SAMD3: variants seen among roughly 807,000 people sequenced by gnomAD.
SAMD3 encodes the protein sterile alpha motif domain-containing protein 3.
In SAMD3, 63 loss-of-function variants were observed where a neutral mutation model predicts 58.5. That is an observed-to-expected ratio of 1.08 (90% CI 0.88 to 1.33). The LOEUF (loss-of-function observed/expected upper bound fraction) is 1.33, where lower values mean the gene tolerates loss of function less well. SAMD3 is among the 40% of genes most tolerant of loss of function. SAMD3 has a pLI of 0.00. For synonymous variants in SAMD3, 220 were observed against 210.3 expected (o/e 1.05, Z -0.40); for missense variants, 604 against 608.4 (o/e 0.99, Z 0.08).
At chr6:130,297,112 C>G (rs1775597281) in intron 2 of SAMD3, among the ~76,000 whole-genome samples, 1 of 152,224 alleles carries the variant, frequency 6.6e-6, no homozygotes, top group South Asian at 2.1e-4. Context: ...AAGCCTGCTG[C>G]CAGACAGGCT....
intron 8 of SAMD3, among the ~76,000 whole-genome samples, chr6:130,171,583 TG>T (rs2114652987): frequency 6.6e-6 from 1 of 152,322 alleles, no homozygotes; most frequent in African/African-American, 2.4e-5. Context: ...GAGACTGTTA[TG>T]ATTTCCATTC....
intron 2 of SAMD3, among the ~76,000 whole-genome samples, chr6:130,241,182 G>T (rs1429973913): frequency 2.7e-5 from 4 of 148,218 alleles, no homozygotes; most frequent in Non-Finnish European, 5.9e-5. Flanking sequence ...GCCCCCTGAA[G>T]AACCTGTTTT....
intron 7 of SAMD3, among the ~76,000 whole-genome samples, chr6:130,178,309 GGCTGCTTCTGCTGCTCTTCTCC>G (rs1050539169): frequency 1.3e-5 from 2 of 151,308 alleles, no homozygotes; most frequent in African/African-American, 4.9e-5. Flanking sequence ...AGTGCCTTAG[GGCTGCTTCTGCTGCTCTTCTCC>G]GCTGCAATGC....
At chr6:130,302,035 A>C (rs1177555421) in intron 2 of SAMD3, among the ~76,000 whole-genome samples, 1 of 152,196 alleles carries the variant, frequency 6.6e-6, no homozygotes, top group Admixed American at 6.5e-5. Context: ...CAAAGAATTT[A>C]TGACTAAGAC....
intron 1 of SAMD3, among the ~76,000 whole-genome samples, chr6:130,319,544 AG>A (rs1421182007): frequency 6.6e-6 from 1 of 152,132 alleles, no homozygotes; most frequent in East Asian, 1.9e-4. Flanking sequence ...TTTTTTATCC[AG>A]GGAAAACATC....
At chr6:130,253,075 CT>C (rs2114911983) in intron 2 of SAMD3, among the ~76,000 whole-genome samples, 1 of 152,302 alleles carries the variant, frequency 6.6e-6, no homozygotes, top group Admixed American at 6.5e-5. Context: ...TTTACACAAC[CT>C]AGTGAAGTTC....
intron 2 of SAMD3, among the ~76,000 whole-genome samples, chr6:130,282,242 A>G (rs867606590): frequency 1.3e-5 from 2 of 152,230 alleles, no homozygotes; most frequent in African/African-American, 4.8e-5. Flanking sequence ...GGCTTCCATA[A>G]CTAGGGAAAT....
At chr6:130,204,038 C>T (rs574490710) in intron 5 of SAMD3, among the ~76,000 whole-genome samples, 2 of 151,784 alleles carry the variant, frequency 1.3e-5, no homozygotes, top group South Asian at 2.1e-4. Context: ...CATTTCATTG[C>T]AGTGGCCAGA....
intron 5 of SAMD3, among the ~76,000 whole-genome samples, chr6:130,208,262 A>G (rs1323834174): frequency 1.3e-5 from 2 of 152,166 alleles, no homozygotes; most frequent in African/African-American, 4.8e-5. Context: ...TCAATGAACT[A>G]CGTTTAAGGC....
chr6:130,222,328 T>C lies in SAMD3; in HGVS notation c.-68+366A>G, dbSNP rs1796257849. ...ATTGGACAGATAAAATTTCCAGCAA[T>C]AGGAATTGGCCAATGAATTACAGTA... On this transcript the variant is annotated intron_variant, in intron 1 of 11. Transcript: ENST00000439090. Among the ~76,000 whole-genome samples, 4 of 152,084 alleles carry C rather than the reference T, an allele frequency of 2.6e-5. No homozygotes were observed. In the South Asian group the frequency reaches 8.3e-4, roughly 31 times the overall value.
At chr6:130,198,013 C>T (rs1794299979) in intron 5 of SAMD3, among the ~76,000 whole-genome samples, 2 of 152,158 alleles carry the variant, frequency 1.3e-5, no homozygotes, top group South Asian at 4.1e-4. Context: ...AAAGCTCCCC[C>T]ACTGAGTACC....
At chr6:130,289,401 C>T (rs976421843) in intron 2 of SAMD3, among the ~76,000 whole-genome samples, 1 of 152,176 alleles carries the variant, frequency 6.6e-6, no homozygotes, top group African/African-American at 2.4e-5. Flanking sequence ...ACTTTTTCCA[C>T]AACTGTCAAT....
At position 130,193,234 on chromosome 6, in the gene SAMD3, C is replaced by T. The variant is rs181880481; in HGVS notation, c.384-8611G>A. Among the ~76,000 whole-genome samples, 102 of 151,464 alleles carry T rather than the reference C, an allele frequency of 6.7e-4. 2 individuals carry two copies. Among genetic ancestry groups the T allele is most frequent in the African/African-American group, 2.1e-3 (85 of 41,212 alleles). ...TCTCTCCATGTCTCTACCCCTTCTCCGCCTTTCTGGGGGGCAAGAAACCCC... is the reference window on the plus strand; with the variant it reads ...TCTCTCCATGTCTCTACCCCTTCTCTGCCTTTCTGGGGGGCAAGAAACCCC... On this transcript the variant is annotated intron_variant, in intron 5 of 11. Transcript: ENST00000439090.
chr6:130,266,341 T>C (rs1047689500), intron 2 of SAMD3, among the ~76,000 whole-genome samples: 55 of 152,148 alleles, frequency 3.6e-4, no homozygotes, highest in African/African-American at 1.3e-3. Context: ...AGGAGATCAA[T>C]GGCCATAGGA....
intron 2 of SAMD3, among the ~76,000 whole-genome samples, chr6:130,264,777 G>A (rs1480716652): frequency 6.6e-6 from 1 of 152,132 alleles, no homozygotes; most frequent in African/African-American, 2.4e-5. Context: ...AGCTTTTCAT[G>A]AGTTAAAAGA....
intron 1 of SAMD3, among the ~76,000 whole-genome samples, chr6:130,363,153 T>A (rs1778035026): frequency 6.6e-6 from 1 of 152,200 alleles, no homozygotes; most frequent in African/African-American, 2.4e-5. Context: ...GCCATTCAGA[T>A]AAAAATCTAG....
At chr6:130,311,403 C>T (rs1214951588) in intron 2 of SAMD3, among the ~76,000 whole-genome samples, 1 of 152,116 alleles carries the variant, frequency 6.6e-6, no homozygotes, top group African/African-American at 2.4e-5. Flanking sequence ...GCTCCCTGGT[C>T]GCTGTTGCAG....
At chr6:130,243,407 C>T (rs1299864820) in intron 2 of SAMD3, among the ~76,000 whole-genome samples, 2 of 152,062 alleles carry the variant, frequency 1.3e-5, no homozygotes, top group African/African-American at 4.8e-5. Flanking sequence ...CACCCCTTTG[C>T]TAAGAGAGGA....
At chr6:130,183,210 C>G (rs1354088426) in intron 7 of SAMD3, 4 of 372,448 alleles carry the variant, frequency 1.1e-5, no homozygotes, top group South Asian at 6.4e-5. Flanking sequence ...TCTAGGAATC[C>G]TAATGTGCAA....
Sources: allele counts gnomAD v4.1 joint callset (sites outside exome capture counted in the v4.1 genomes callset), GRCh38; gene constraint gnomAD v4.1.1; transcripts MANE v1.5; gene names NCBI Gene and HGNC (gene_info 2026-07-23, HGNC 2026-07-21).